ZNF888: variants seen among roughly 807,000 people sequenced by gnomAD.
ZNF888 encodes CTD-2331H12.6.
Under a neutral mutation model 7.2 loss-of-function variants are expected in ZNF888, and 5 were observed. The ratio of observed to expected loss-of-function variants is 0.70; its 90% CI spans 0.36 to 1.46. ZNF888 has a LOEUF of 1.46. ZNF888 is among the 40% of genes most tolerant of loss of function. The probability of loss-of-function intolerance (pLI) is 0.03; values close to 1 mark genes in which losing one functional copy is unlikely to be tolerated. For missense variants in ZNF888, 716 were observed against 858.0 expected (o/e 0.83, Z 2.07); for synonymous variants, 240 against 284.3 (o/e 0.84, Z 1.57).
chr19:52,905,152 C>T lies in ZNF888; in HGVS notation c.*1013G>A, dbSNP rs965536366. 2 of 152,054 alleles carry T rather than the reference C, an allele frequency of 1.3e-5. No homozygotes were observed. The highest frequency in any genetic ancestry group is 4.8e-5 in the African/African-American group (2 of 41,386). 9.4% of individuals were successfully genotyped at this position (152,054 alleles called of 1,614,324 possible). A position where few individuals can be genotyped will look rare whatever the true frequency, so the allele number is the denominator to read the frequency against. Reference sequence around the variant, plus strand: ...TATATAACCCAATGTGATTTAGATTCAACACGGTACCCATAAAAATGCCTA... The same window carrying T: ...TATATAACCCAATGTGATTTAGATTTAACACGGTACCCATAAAAATGCCTA... On this transcript the variant is annotated 3_prime_UTR_variant, in exon 5 of 5. Coordinates refer to ENST00000638862, the MANE Select transcript of ZNF888 (RefSeq NM_001393938.1).
At chr19:52,913,869 T>C (rs923661526) in intron 4 of ZNF888, 1 of 447,080 alleles carries the variant, frequency 2.2e-6, no homozygotes, top group Non-Finnish European at 2.9e-6. Context: ...CTCACGCCTG[T>C]AATCCCAGCC....
In ZNF888 at chr19:52,907,386, G is replaced by T; in HGVS notation, c.936C>A (p.Ala312=). ...ECGKTFSDKS[A]LLVHKTIHTG... ...TATGAATTGTCTTGTGAACTAAGAGGGCTGACTTGTCACTGAACGTCTTGC... is the reference window on the plus strand; with the variant it reads ...TATGAATTGTCTTGTGAACTAAGAGTGCTGACTTGTCACTGAACGTCTTGC... Residue 312 remains alanine (A), a synonymous_variant, in exon 5 of 5, where the codon GCC becomes GCA. Coordinates refer to ENST00000638862, the MANE Select transcript of ZNF888 (RefSeq NM_001393938.1). The T allele has an allele frequency of 1.2e-6, 2 of 1,612,758 alleles. No individual in the cohort carries two copies. Among genetic ancestry groups the T allele is most frequent in the Non-Finnish European group, 1.7e-6 (2 of 1,179,268 alleles).
intron 1 of ZNF888, among the ~76,000 whole-genome samples, chr19:52,922,251 C>A (rs56702993): frequency 1.0e-5 from 1 of 99,532 alleles, no homozygotes; most frequent in Non-Finnish European, 2.1e-5. Flanking sequence ...CCATAGATTT[C>A]CACCTCTTCT....
In ZNF888 at chr19:52,917,839, C is replaced by T. The variant is rs1260414185; in HGVS notation, c.15+20G>A. On this transcript the variant is annotated intron_variant, in intron 3 of 4. Transcript: ENST00000638862. ...CTGAAAGGAAGGAGACAGAACAATC[C>T]ACAGAGAATATCATCTCACCTGAGG... The T allele has an allele frequency of 6.2e-7, 1 of 1,613,490 alleles. No homozygotes were observed. The highest frequency in any genetic ancestry group is 1.7e-5 in the Admixed American group (1 of 60,014).
At chr19:52,921,304 G>T (rs1017418340) in intron 1 of ZNF888, among the ~76,000 whole-genome samples, 16 of 152,368 alleles carry the variant, frequency 1.1e-4, no homozygotes, top group Middle Eastern at 6.8e-3. Flanking sequence ...ACAGTGAGGA[G>T]ATGGGCTTTT....
rs868383656 is a variant in ZNF888 at position 52,920,462 on chromosome 19, G to A, written c.-177-1525C>T. ...AAATGGATTAAGGGCGGTGCAAGAT[G>A]TGCTTTGTTAAACAGATGCTTGAAG... On this transcript the variant is annotated intron_variant, in intron 1 of 4. Coordinates refer to ENST00000638862, the MANE Select transcript of ZNF888 (RefSeq NM_001393938.1). Among the ~76,000 whole-genome samples, 45 of 35,910 alleles carry A rather than the reference G, an allele frequency of 1.3e-3. 9 individuals carry two copies. The highest frequency in any genetic ancestry group is 4.0e-3 in the African/African-American group (43 of 10,832). The allele number at this position is 35,910 out of a possible 152,430, so 23.6% of individuals were successfully genotyped here.
chr19:52,908,577 A>G (rs2064638838), intron 4 of ZNF888, among the ~76,000 whole-genome samples: 1 of 152,192 alleles, frequency 6.6e-6, no homozygotes, highest in Non-Finnish European at 1.5e-5. Flanking sequence ...AAAGGACCGG[A>G]CAATGTACTA....
chr19:52,908,120 T>G lies in ZNF888; in HGVS notation c.202A>C (p.Ile68Leu). Residue 68 changes from isoleucine (I) to leucine (L), a missense_variant, in exon 5 of 5, where the codon ATC becomes CTC. Around this residue, in one of 2 missense-constraint regions of ZNF888, gnomAD observed 697 missense variants for 803.4 expected, o/e 0.87. Transcript: ENST00000638862. ...AGTCTTTGCAATGTCCCTGTGTGGA[T>G]CACTTCTGTATTGCCTTTCCCTATT... ...SSIGKGNTEV[I>L]HTGTLQRLAS... is the part of the protein sequence containing the mutation. 1 of 1,614,172 alleles carries G rather than the reference T, an allele frequency of 6.2e-7. No homozygotes were observed. Among genetic ancestry groups the G allele is most frequent in the Admixed American group, 1.7e-5 (1 of 60,020 alleles).
intron 4 of ZNF888, among the ~76,000 whole-genome samples, chr19:52,911,272 G>A (rs908608530): frequency 1.3e-5 from 2 of 151,816 alleles, no homozygotes; most frequent in Non-Finnish European, 2.9e-5. Context: ...CTTGGTCTCC[G>A]AAAGTGCTGG....
chr19:52,916,486 A>T (rs1310788225), intron 3 of ZNF888, among the ~76,000 whole-genome samples: 4 of 151,776 alleles, frequency 2.6e-5, no homozygotes, highest in Non-Finnish European at 4.4e-5. Context: ...ATGTGTGTGT[A>T]CATATATATG....
At chr19:52,909,465 C>G (rs1298046771) in intron 4 of ZNF888, among the ~76,000 whole-genome samples, 1 of 151,922 alleles carries the variant, frequency 6.6e-6, no homozygotes, top group Non-Finnish European at 1.5e-5. Context: ...CAAGGCTCGT[C>G]TCGAACTCCT....
intron 4 of ZNF888, 146 bp from the exon 5 acceptor site, chr19:52,908,325 T>A: frequency 1.3e-6 from 1 of 785,744 alleles, no homozygotes; most frequent in Non-Finnish European, 2.0e-6. Flanking sequence ...AGGAGGAAGA[T>A]CCTTTAATAA....
intron 4 of ZNF888, among the ~76,000 whole-genome samples, chr19:52,911,817 A>T (rs2064683219): frequency 6.7e-6 from 1 of 148,286 alleles, no homozygotes; most frequent in South Asian, 2.2e-4. Flanking sequence ...ATTTTATTTT[A>T]TTTATTTTTA....
chr19:52,919,907 G>T (rs2064802027), intron 1 of ZNF888, among the ~76,000 whole-genome samples: 1 of 59,882 alleles, frequency 1.7e-5, no homozygotes, highest in African/African-American at 5.9e-5. Flanking sequence ...GAGAAGTGAG[G>T]AGCCCCTCCG....
At chr19:52,909,125 A>G (rs1426722676) in intron 4 of ZNF888, among the ~76,000 whole-genome samples, 2 of 150,166 alleles carry the variant, frequency 1.3e-5, no homozygotes, top group African/African-American at 5.0e-5. Context: ...AGCCTGAGCA[A>G]AAAAGTGAGA....
intron 4 of ZNF888, chr19:52,913,850 G>T: frequency 1.6e-6 from 1 of 637,850 alleles, no homozygotes; most frequent in Non-Finnish European, 1.9e-6. Context: ...TAACGGTTGG[G>T]CATGGTGGCT....
rs988508297 is a variant in ZNF888 at position 52,917,762 on chromosome 19, C to T, written c.15+97G>A. ...TGGGTGAGTGTGAGCAAACCTGTCA[C>T]GCAGGATGCTTCAGACTCAGAGAAG... On this transcript the variant is annotated intron_variant, in intron 3 of 4. Transcript: ENST00000638862. The T allele has an allele frequency of 9.5e-5, 151 of 1,590,684 alleles. No individual in the cohort carries two copies. The Middle Eastern group carries it at 9.9e-4, about 10-fold the overall frequency.
chr19:52,917,630 T>G (rs1167513384), intron 3 of ZNF888, among the ~76,000 whole-genome samples: 1 of 152,162 alleles, frequency 6.6e-6, no homozygotes, highest in African/African-American at 2.4e-5. Context: ...CATGTCTGTG[T>G]GTGAGCCCTT....
chr19:52,920,489 C>CAAAAA (rs1191621530), intron 1 of ZNF888, among the ~76,000 whole-genome samples: 9 of 6,854 alleles, frequency 1.3e-3, no homozygotes, highest in East Asian at 0.015. Context: ...TGCTTGAAGG[C>CAAAAA]AAAAAAAAAA....
Sources: gnomAD v4.1 joint callset for allele counts (sites outside exome capture counted in the v4.1 genomes callset) on GRCh38, gnomAD v4.1.1 for gene constraint, gnomAD v4.1.1 regional missense constraint, MANE v1.5 for transcripts, NCBI Gene and HGNC (gene_info 2026-07-23, HGNC 2026-07-21) for gene names.